UTRN: variants seen among roughly 807,000 people sequenced by gnomAD.
UTRN encodes the protein utrophin, also known as dystrophin-related protein 1.
A neutral mutation model predicts 463.9 loss-of-function variants in UTRN; 283 were observed. That is an observed-to-expected ratio of 0.61 (90% confidence interval 0.55 to 0.67). The LOEUF (loss-of-function observed/expected upper bound fraction) is 0.67, where lower values mean the gene tolerates loss of function less well. Among genes scored for constraint, UTRN ranks in the 30% least tolerant of loss-of-function variants. UTRN has a pLI of 0.00. For missense variants in UTRN, 3,922 were observed against 4,084.3 expected, an observed-to-expected ratio of 0.96 and a Z score of 1.08; for synonymous variants, 1,442 against 1,431.5, an observed-to-expected ratio of 1.01 and a Z score of -0.17.
At position 144,425,536 on chromosome 6, in the gene UTRN, A is replaced by C. The variant is rs999312102; in HGVS notation, c.406-751A>C. Among the ~76,000 whole-genome samples the C allele has an allele frequency of 2.0e-5, 3 of 152,160 alleles. No homozygotes were observed. In the East Asian group the frequency reaches 5.8e-4, roughly 29 times the overall value. On this transcript the variant is annotated intron_variant, in intron 6 of 74. Coordinates refer to ENST00000367545, the MANE Select transcript of UTRN (RefSeq NM_007124.3). ...ATGCTTGATAGATAATGATTTTCTA[A>C]TTTCATTAATCCTTCTACATTAGTT...
intron 51 of UTRN, among the ~76,000 whole-genome samples, chr6:144,586,360 G>GT (rs1562609930): frequency 6.6e-6 from 1 of 152,032 alleles, no homozygotes; most frequent in African/African-American, 2.4e-5. Context: ...AAGCAAAAAC[G>GT]TAAGTGCTGC....
chr6:144,567,057 G>A (rs1436926737), intron 50 of UTRN, among the ~76,000 whole-genome samples: 1 of 152,164 alleles, frequency 6.6e-6, no homozygotes, highest in Admixed American at 6.5e-5. Flanking sequence ...TGAGGTGGTA[G>A]GTTCGATTGA....
Position 144,557,257 on chromosome 6 carries a change from A to T in UTRN, c.7235A>T (p.Asn2412Ile). Residue 2412 changes from asparagine (N) to isoleucine (I), a missense_variant, in exon 50 of 75, where the codon AAT (asparagine) becomes ATT (isoleucine). Around this residue, in one of 3 missense-constraint regions of UTRN, gnomAD observed 1,309 missense variants for 1,452.6 expected, o/e 0.90. Coordinates refer to ENST00000367545, the MANE Select transcript of UTRN (RefSeq NM_007124.3). ...LEEYGSDDTR[N>I]VKETTEYLKT... is the part of the protein sequence containing the mutation. ...GAATATGGGAGTGATGACACAAGGA[A>T]TGTGAAAGAAACCACAGAGTACTTA... 6.2e-7 allele frequency: 1 copy of T among 1,613,964 alleles called. No homozygotes were observed. Among genetic ancestry groups the T allele is most frequent in the Non-Finnish European group, 8.5e-7 (1 of 1,179,882 alleles).
rs927030681 is a variant in UTRN, at chr6:144,799,044, G to A, written c.9245+1054G>A. ...CGTGAGCCGCCATACCTGGCCCTAT[G>A]TGTATCTTTTATTCGTACCAGAAGA... is the stretch of plus-strand genomic sequence containing the variant. On this transcript the variant is annotated intron_variant, in intron 64 of 74. Coordinates refer to ENST00000367545, the MANE Select transcript of UTRN (RefSeq NM_007124.3). 3.9e-5 allele frequency among the ~76,000 whole-genome samples: 6 copies of A among 152,312 alleles called. No homozygotes were observed. In the South Asian group the frequency reaches 1.2e-3, roughly 32 times the overall value.
intron 51 of UTRN, among the ~76,000 whole-genome samples, chr6:144,639,782 T>A (rs1430668353): frequency 6.6e-6 from 1 of 152,212 alleles, no homozygotes; most frequent in South Asian, 2.1e-4. Context: ...TAGGGCTGTC[T>A]GTGCCATGTT....
chr6:144,569,945 A>G (rs6908674), intron 50 of UTRN, among the ~76,000 whole-genome samples: 1 of 152,182 alleles, frequency 6.6e-6, no homozygotes, highest in African/African-American at 2.4e-5. Flanking sequence ...GAGGAACCAG[A>G]TTCACCCCTA....
intron 1 of UTRN, among the ~76,000 whole-genome samples, chr6:144,287,832 A>G (rs1340728692): frequency 6.6e-6 from 1 of 152,220 alleles, no homozygotes; most frequent in Admixed American, 6.5e-5. Context: ...ATTTGAGGGA[A>G]GGGAAATCTA....
intron 3 of UTRN, among the ~76,000 whole-genome samples, chr6:144,405,194 A>G (rs1783279611): frequency 6.6e-6 from 1 of 152,164 alleles, no homozygotes; most frequent in Non-Finnish European, 1.5e-5. Context: ...GAAAACTTTT[A>G]TTTTCATCTA....
At chr6:144,490,284 C>A (rs569807716) in intron 31 of UTRN, 85 bp downstream of exon 31, 1 of 1,520,172 alleles carries the variant, frequency 6.6e-7, no homozygotes, top group Non-Finnish European at 8.8e-7. Context: ...TACTTGGGCA[C>A]CGTTTGTATT....
At chr6:144,554,605 G>T in intron 48 of UTRN, 83 bp from the exon 49 acceptor site, 1 of 1,434,236 alleles carries the variant, frequency 7.0e-7, no homozygotes, top group Non-Finnish European at 9.5e-7. Flanking sequence ...ACTTATTTGT[G>T]ATACATTTGA....
At chr6:144,801,041 G>A (rs1034562588) in intron 64 of UTRN, among the ~76,000 whole-genome samples, 1 of 152,146 alleles carries the variant, frequency 6.6e-6, no homozygotes, top group African/African-American at 2.4e-5. Flanking sequence ...ATACATAGGC[G>A]AATATGTGCA....
intron 9 of UTRN, among the ~76,000 whole-genome samples, chr6:144,434,554 G>T (rs1786347503): frequency 6.6e-6 from 1 of 152,164 alleles, no homozygotes; most frequent in Non-Finnish European, 1.5e-5. Context: ...ATATGGACAT[G>T]GTTTAATATG....
At chr6:144,311,192 C>T (rs976386610) in intron 2 of UTRN, among the ~76,000 whole-genome samples, 1 of 152,202 alleles carries the variant, frequency 6.6e-6, no homozygotes, top group Admixed American at 6.5e-5. Context: ...TGGAAAGTAA[C>T]GATGCGAATA....
At chr6:144,485,649 A>C (rs1238614329) in intron 28 of UTRN, 130 bp downstream of exon 28, 1 of 1,310,610 alleles carries the variant, frequency 7.6e-7, no homozygotes, top group African/African-American at 1.5e-5. Context: ...TGTCACTTGC[A>C]TTTTCTTCCA....
rs570704218 is a variant in UTRN at position 144,533,353 on chromosome 6, G to C, written c.6233+93G>C. The C allele has an allele frequency of 5.2e-5, 78 of 1,507,914 alleles. No individual in the cohort carries two copies. The East Asian group carries it at 1.7e-3, about 33-fold the overall frequency. 93.4% of individuals were successfully genotyped at this position (1,507,914 alleles called of 1,614,324 possible). A position where few individuals can be genotyped will look rare whatever the true frequency, so the allele number is the denominator to read the frequency against. On this transcript the variant is annotated intron_variant, in intron 43 of 74. Coordinates refer to ENST00000367545, the MANE Select transcript of UTRN (RefSeq NM_007124.3). ...AATCTAATGAGTTCTTTTATTGTTT[G>C]ACATTATAATAGGAATTTTACTGAC...
intron 52 of UTRN, among the ~76,000 whole-genome samples, chr6:144,679,997 T>G (rs573828281): frequency 6.6e-6 from 1 of 152,142 alleles, no homozygotes; most frequent in Non-Finnish European, 1.5e-5. Flanking sequence ...GGGATTATAC[T>G]TTTTTAAGAT....
chr6:144,843,361 A>G (rs1301768150), intron 73 of UTRN, among the ~76,000 whole-genome samples: 1 of 152,142 alleles, frequency 6.6e-6, no homozygotes, highest in Non-Finnish European at 1.5e-5. Context: ...TCCATTTCCT[A>G]AAGAATTTAC....
chr6:144,784,880 T>C (rs1363276460), intron 61 of UTRN, among the ~76,000 whole-genome samples: 2 of 152,232 alleles, frequency 1.3e-5, no homozygotes, highest in Non-Finnish European at 2.9e-5. Context: ...ACCTCCCTTC[T>C]ATGAAAAAGA....
intron 30 of UTRN, among the ~76,000 whole-genome samples, chr6:144,489,632 T>G (rs1792845885): frequency 6.6e-6 from 1 of 152,008 alleles, no homozygotes; most frequent in African/African-American, 2.4e-5. Flanking sequence ...CGTATTATTA[T>G]TATTTTTTAG....
Sources: allele counts gnomAD v4.1 joint callset (sites outside exome capture counted in the v4.1 genomes callset), GRCh38; gene constraint gnomAD v4.1.1; regional missense constraint gnomAD v4.1.1; transcripts MANE v1.5; gene names NCBI Gene and HGNC (gene_info 2026-07-23, HGNC 2026-07-21).